Variants in ABTB3 observed in about 807,000 individuals in gnomAD.
The protein encoded by ABTB3 is ankyrin repeat- and BTB/POZ domain-containing protein 3.
chr12:107,426,940 CT>C, the ABTB3 span, among the ~76,000 whole-genome samples: 8 of 152,194 alleles, frequency 5.3e-5, no homozygotes, highest in Non-Finnish European at 1.2e-4. Context: ...TATTCTCCTG[CT>C]TTTTTCAATT....
chr12:107,433,745 A>C, the ABTB3 span, among the ~76,000 whole-genome samples: 1 of 152,200 alleles, frequency 6.6e-6, no homozygotes, highest in Non-Finnish European at 1.5e-5. Context: ...TAGCCAATAA[A>C]GGGGTGCTAG....
At chr12:107,648,357 C>T in the ABTB3 span, among the ~76,000 whole-genome samples, 1 of 143,022 alleles carries the variant, frequency 7.0e-6, no homozygotes, top group Non-Finnish European at 1.5e-5. Flanking sequence ...CTCCAGCCTG[C>T]GTGACAGAGC....
chr12:107,424,314 C>A, the ABTB3 span, among the ~76,000 whole-genome samples: 1 of 152,166 alleles, frequency 6.6e-6, no homozygotes, highest in African/African-American at 2.4e-5. Flanking sequence ...GTGTCCCCTG[C>A]CTTTTTCTCC....
At chr12:107,339,297 A>G in the ABTB3 span, among the ~76,000 whole-genome samples, 1 of 152,178 alleles carries the variant, frequency 6.6e-6, no homozygotes, top group Non-Finnish European at 1.5e-5. Flanking sequence ...CGGCTCAGCT[A>G]TCAATCTGTT....
chr12:107,486,769 A>T, the ABTB3 span: 1 of 151,480 alleles, frequency 6.6e-6, no homozygotes, highest in Non-Finnish European at 1.5e-5. Flanking sequence ...ACTGATGTTC[A>T]TAGAATACAG....
the ABTB3 span, among the ~76,000 whole-genome samples, chr12:107,510,198 G>A: frequency 6.6e-6 from 1 of 152,096 alleles, no homozygotes; most frequent in African/African-American, 2.4e-5. Flanking sequence ...TGTTAAAGCT[G>A]AGACATGGTG....
chr12:107,355,347 G>T, the ABTB3 span, among the ~76,000 whole-genome samples: 1 of 152,226 alleles, frequency 6.6e-6, no homozygotes, highest in East Asian at 1.9e-4. Flanking sequence ...CCCCAGCCCA[G>T]TGAGGCAGGT....
At chr12:107,340,422 A>C in the ABTB3 span, among the ~76,000 whole-genome samples, 1 of 152,232 alleles carries the variant, frequency 6.6e-6, no homozygotes, top group Admixed American at 6.5e-5. Context: ...GTTGTTAACA[A>C]TAAATAGAAT....
At chr12:107,581,564 T>C in the ABTB3 span, among the ~76,000 whole-genome samples, 1 of 152,240 alleles carries the variant, frequency 6.6e-6, no homozygotes, top group Non-Finnish European at 1.5e-5. Context: ...GGTTTCTCTC[T>C]GGCTGTTCTC....
chr12:107,324,130 T>C, the ABTB3 span, among the ~76,000 whole-genome samples: 2 of 152,232 alleles, frequency 1.3e-5, no homozygotes, highest in Non-Finnish European at 2.9e-5. Context: ...TGACACATGG[T>C]AGGTGCTAAA....
the ABTB3 span, among the ~76,000 whole-genome samples, chr12:107,545,292 G>A: frequency 6.6e-6 from 1 of 151,848 alleles, no homozygotes; most frequent in African/African-American, 2.4e-5. Context: ...AGGCTAGGTA[G>A]AGTGCAGTGG....
chr12:107,595,149 G>T, the ABTB3 span, among the ~76,000 whole-genome samples: 1 of 152,308 alleles, frequency 6.6e-6, no homozygotes, highest in East Asian at 1.9e-4. Flanking sequence ...GATGGATTTT[G>T]TTCCTAAATA....
At chr12:107,540,128 T>C in the ABTB3 span, among the ~76,000 whole-genome samples, 1 of 152,176 alleles carries the variant, frequency 6.6e-6, no homozygotes, top group South Asian at 2.1e-4. Flanking sequence ...GGAGGATTTA[T>C]AAAGAACAGA....
the ABTB3 span, among the ~76,000 whole-genome samples, chr12:107,595,373 T>C: frequency 1.3e-5 from 2 of 152,128 alleles, no homozygotes; most frequent in African/African-American, 4.8e-5. Context: ...ACCCCATTTA[T>C]ACAGGCAAGA....
the ABTB3 span, among the ~76,000 whole-genome samples, chr12:107,585,818 G>A: frequency 3.9e-5 from 6 of 152,274 alleles, 1 homozygote; most frequent in Middle Eastern, 6.8e-3. Context: ...AGGCCTGCCC[G>A]ACCCACACAG....
At chr12:107,403,973 G>A in the ABTB3 span, among the ~76,000 whole-genome samples, 3 of 151,960 alleles carry the variant, frequency 2.0e-5, no homozygotes, top group African/African-American at 7.3e-5. Flanking sequence ...GACCAGCCTG[G>A]TCAATATGGT....
chr12:107,573,520 C>T, the ABTB3 span, among the ~76,000 whole-genome samples: 2 of 141,996 alleles, frequency 1.4e-5, no homozygotes, highest in Non-Finnish European at 3.1e-5. Flanking sequence ...ATAGATGGAA[C>T]AGATGGTGAG....
the ABTB3 span, among the ~76,000 whole-genome samples, chr12:107,575,346 GATA>G: frequency 6.6e-6 from 1 of 152,142 alleles, no homozygotes; most frequent in African/African-American, 2.4e-5. Flanking sequence ...TGGTGATGAT[GATA>G]ATAACAGCCC....
the ABTB3 span, among the ~76,000 whole-genome samples, chr12:107,439,960 G>A: frequency 2.0e-5 from 3 of 152,182 alleles, no homozygotes; most frequent in Non-Finnish European, 4.4e-5. Flanking sequence ...TTCCCATTGT[G>A]CCTAGAATAA....
Sources: gnomAD v4.1 joint callset for allele counts (sites outside exome capture counted in the v4.1 genomes callset) on GRCh38, gnomAD v4.1.1 for gene constraint, MANE v1.5 for transcripts, NCBI Gene and HGNC (gene_info 2026-07-23, HGNC 2026-07-21) for gene names.